Variants in CDH18 observed in about 807,000 individuals in gnomAD.
CDH18 encodes the protein cadherin-18.
CDH18 carries 31 observed loss-of-function variants against 67.9 expected under a neutral mutation model. That is an observed-to-expected ratio of 0.46 (90% CI 0.34 to 0.62). The LOEUF is 0.62. Ranked by LOEUF, CDH18 falls within the 20% of genes least tolerant of loss-of-function variation. The probability of loss-of-function intolerance (pLI) is 0.01; values close to 1 mark genes in which losing one functional copy is unlikely to be tolerated. For synonymous variants in CDH18, 362 were observed against 347.2 expected (o/e 1.04, Z -0.48); for missense variants, 890 against 975.5 (o/e 0.91, Z 1.17).
intron 1 of CDH18, among the ~76,000 whole-genome samples, chr5:20,351,994 G>T (rs1458887557): frequency 6.6e-6 from 1 of 152,096 alleles, no homozygotes; most frequent in Non-Finnish European, 1.5e-5. Flanking sequence ...AGTAGTTTAG[G>T]TTAACCAGGT....
chr5:19,795,781 G>C (rs1278440918), intron 3 of CDH18, among the ~76,000 whole-genome samples: 3 of 152,012 alleles, frequency 2.0e-5, no homozygotes, highest in South Asian at 4.1e-4. Context: ...CCAATTACTG[G>C]AAATATCTGA....
intron 5 of CDH18, among the ~76,000 whole-genome samples, chr5:19,644,165 T>C (rs1312328808): frequency 6.6e-6 from 1 of 152,058 alleles, no homozygotes; most frequent in African/African-American, 2.4e-5. Flanking sequence ...CCAACTGAAT[T>C]GACCAAATTA....
Position 19,493,537 on chromosome 5 carries a change from G to GGTGTGTGTGTGT in CDH18, c.1630+9443_1630+9454dup, listed in dbSNP as rs67879363. Among the ~76,000 whole-genome samples the GGTGTGTGTGTGT allele has an allele frequency of 7.0e-4, 103 of 148,034 alleles. 1 individual carries two copies. Among genetic ancestry groups the GGTGTGTGTGTGT allele is most frequent in the African/African-American group, 2.3e-3 (91 of 40,344 alleles). ...TAAAATGTCAGCCCGAGGGAATTGG[G>GGTGTGTGTGTGT]GTGTGTGTGTGTGTGTGTGTGTGTG... On this transcript the variant is annotated intron_variant, in intron 11 of 12. Coordinates refer to ENST00000382275, the MANE Select transcript of CDH18 (RefSeq NM_004934.5).
chr5:20,157,058 A>G (rs1751587050), intron 2 of CDH18, among the ~76,000 whole-genome samples: 1 of 152,192 alleles, frequency 6.6e-6, no homozygotes, highest in South Asian at 2.1e-4. Context: ...ACAGGGAGGT[A>G]GTGTATATGG....
intron 2 of CDH18, among the ~76,000 whole-genome samples, chr5:20,079,715 G>A (rs1010898840): frequency 3.9e-5 from 6 of 152,156 alleles, no homozygotes; most frequent in African/African-American, 7.2e-5. Flanking sequence ...GTGGTCAAGA[G>A]TACTATCTCA....
At chr5:19,890,802 C>T (rs778739322) in intron 2 of CDH18, among the ~76,000 whole-genome samples, 7 of 151,970 alleles carry the variant, frequency 4.6e-5, no homozygotes, top group Non-Finnish European at 1.0e-4. Flanking sequence ...ACCATGTTGG[C>T]CAGGCTGAAC....
In CDH18 at chr5:19,736,988, G is replaced by A. The variant is rs530959560; in HGVS notation, c.523+9954C>T. On this transcript the variant is annotated intron_variant, in intron 4 of 12. Transcript: ENST00000382275. The stretch of plus-strand genomic sequence containing the variant: ...CAAGAAGATGTGCAATTATGACAGA[G>A]AGAATGAATTCATGATGATCAAGGA... 2.0e-5 allele frequency among the ~76,000 whole-genome samples: 3 copies of A among 152,306 alleles called. No individual in the cohort carries two copies. The South Asian group carries it at 6.2e-4, about 32-fold the overall frequency.
chr5:19,577,760 C>T (rs62349546), intron 7 of CDH18, among the ~76,000 whole-genome samples: 22,373 of 152,110 alleles, frequency 0.15, 2,056 homozygotes, highest in Admixed American at 0.19. Flanking sequence ...ACATGGCTTT[C>T]GTGGAGACAG....
chr5:19,719,272 TG>T (rs1765710466), intron 5 of CDH18, among the ~76,000 whole-genome samples: 1 of 152,024 alleles, frequency 6.6e-6, no homozygotes, highest in African/African-American at 2.4e-5. Context: ...GCATCGTTAA[TG>T]GACTAATGTC....
intron 1 of CDH18, among the ~76,000 whole-genome samples, chr5:20,540,469 T>C (rs531472629): frequency 6.6e-6 from 1 of 152,284 alleles, no homozygotes; most frequent in South Asian, 2.1e-4. Flanking sequence ...TTAAGACATA[T>C]ATATGTATGT....
chr5:20,458,934 A>G (rs1259265115), intron 1 of CDH18, among the ~76,000 whole-genome samples: 3 of 152,184 alleles, frequency 2.0e-5, no homozygotes, highest in Admixed American at 1.3e-4. Flanking sequence ...GTATATTAAC[A>G]CCTGAATATT....
chr5:20,025,236 G>C lies in CDH18; in HGVS notation c.-517-33222C>G, dbSNP rs192277892. Among the ~76,000 whole-genome samples the C allele has an allele frequency of 2.4e-3, 358 of 152,206 alleles. 1 individual carries two copies. The highest frequency in any genetic ancestry group is 4.8e-3 in the Admixed American group (73 of 15,288). On this transcript the variant is annotated intron_variant, in intron 2 of 14. Transcript: ENST00000507958. ...TTCAATGTACAGATCTTAGTACACT[G>C]TAAGTATTCATTTGTGGTCTGTGTT... is the stretch of plus-strand genomic sequence containing the variant.
chr5:19,885,456 T>C (rs138295666), intron 2 of CDH18, among the ~76,000 whole-genome samples: 29 of 152,340 alleles, frequency 1.9e-4, no homozygotes, highest in African/African-American at 7.0e-4. Flanking sequence ...TTAGGTTTTA[T>C]ATTAGTGTAA....
At chr5:20,397,747 A>G (rs1160285699) in intron 1 of CDH18, among the ~76,000 whole-genome samples, 1 of 152,170 alleles carries the variant, frequency 6.6e-6, no homozygotes, top group African/African-American at 2.4e-5. Flanking sequence ...TATATCCTAA[A>G]TGATATCATT....
At chr5:20,148,160 T>C (rs538396862) in intron 2 of CDH18, among the ~76,000 whole-genome samples, 28 of 151,826 alleles carry the variant, frequency 1.8e-4, no homozygotes, top group Non-Finnish European at 3.7e-4. Flanking sequence ...GGTGCGATCT[T>C]GGCTCACTGC....
chr5:20,196,289 A>G (rs1738971455), intron 2 of CDH18, among the ~76,000 whole-genome samples: 1 of 152,190 alleles, frequency 6.6e-6, no homozygotes, highest in Non-Finnish European at 1.5e-5. Context: ...TGACTATTTT[A>G]AATATATATA....
intron 2 of CDH18, among the ~76,000 whole-genome samples, chr5:20,095,516 A>T (rs867572253): frequency 3.2e-4 from 43 of 134,432 alleles, no homozygotes; most frequent in African/African-American, 1.2e-3. Flanking sequence ...GGAGGATGGA[A>T]GGAAGGAAGG....
At chr5:20,142,617 G>T (rs941072095) in intron 2 of CDH18, among the ~76,000 whole-genome samples, 1 of 151,792 alleles carries the variant, frequency 6.6e-6, no homozygotes, top group African/African-American at 2.4e-5. Flanking sequence ...AGTTAATTCA[G>T]TTAAAATAAG....
At chr5:20,432,764 C>A (rs1748848794) in intron 1 of CDH18, among the ~76,000 whole-genome samples, 1 of 151,764 alleles carries the variant, frequency 6.6e-6, no homozygotes, top group African/African-American at 2.4e-5. Flanking sequence ...TTAACTGCTT[C>A]TTTAAAGGCT....
Sources: gnomAD v4.1 joint callset for allele counts (sites outside exome capture counted in the v4.1 genomes callset) on GRCh38, gnomAD v4.1.1 for gene constraint, MANE v1.5 for transcripts, NCBI Gene and HGNC (gene_info 2026-07-23, HGNC 2026-07-21) for gene names.